ARIH1: variants seen among roughly 807,000 people sequenced by gnomAD.
ARIH1 encodes the protein ariadne RBR E3 ubiquitin protein ligase 1.
Under a neutral mutation model 85.0 loss-of-function variants are expected in ARIH1, and 8 were observed. The observed-to-expected ratio is 0.09, with a 90% CI of 0.06 to 0.17. The LOEUF is 0.17. ARIH1 is among the 10% of genes least tolerant of loss of function. The probability of loss-of-function intolerance (pLI) is 1.00; values close to 1 mark genes in which losing one functional copy is unlikely to be tolerated. For missense variants in ARIH1, 311 were observed against 718.1 expected, an observed-to-expected ratio of 0.43 and a Z score of 6.48; for synonymous variants, 238 against 253.6, an observed-to-expected ratio of 0.94 and a Z score of 0.59.
intron 4 of ARIH1, 96 bp from the exon 5 acceptor site, chr15:72,555,756 T>G (rs2064172144): frequency 2.1e-6 from 2 of 966,628 alleles, no homozygotes; most frequent in Non-Finnish European, 3.3e-6. Flanking sequence ...CTGTAAACAT[T>G]AAGGTATTCC....
chr15:72,514,569 G>A (rs1280798077), intron 1 of ARIH1, among the ~76,000 whole-genome samples: 1 of 151,884 alleles, frequency 6.6e-6, no homozygotes, highest in Non-Finnish European at 1.5e-5. Context: ...AGCTGGGCAC[G>A]GTGGTGCATG....
intron 11 of ARIH1, 67 bp downstream of exon 11, chr15:72,572,232 G>A (rs746779799): frequency 9.4e-7 from 1 of 1,067,496 alleles, no homozygotes; most frequent in Non-Finnish European, 1.4e-6. Context: ...ATTCATTAGA[G>A]AATAATTTTT....
intron 10 of ARIH1, among the ~76,000 whole-genome samples, chr15:72,570,752 T>G (rs929725850): frequency 3.9e-5 from 6 of 152,246 alleles, no homozygotes; most frequent in African/African-American, 9.6e-5. Context: ...AAAGCCTTGC[T>G]AAAAGGCTTT....
chr15:72,486,694 C>CTTTTTT (rs34770375), intron 1 of ARIH1, among the ~76,000 whole-genome samples: 16 of 92,872 alleles, frequency 1.7e-4, no homozygotes, highest in South Asian at 4.1e-4. Flanking sequence ...TTAAAAATGA[C>CTTTTTT]TTTTTTTTTT....
At chr15:72,545,066 T>A in intron 3 of ARIH1, 102 bp downstream of exon 3, 1 of 1,104,578 alleles carries the variant, frequency 9.1e-7, no homozygotes, top group Non-Finnish European at 1.2e-6. Flanking sequence ...CTGGGAGTAG[T>A]AACCTCTAAG....
At chr15:72,528,786 G>T (rs2064041707) in intron 2 of ARIH1, among the ~76,000 whole-genome samples, 1 of 151,668 alleles carries the variant, frequency 6.6e-6, no homozygotes, top group Non-Finnish European at 1.5e-5. Flanking sequence ...GCCCAGGAGG[G>T]TGGAGCTGTG....
At position 72,587,441 on chromosome 15, in the gene ARIH1, T is replaced by C. The variant is rs2064322231; in HGVS notation, c.*4149T>C. On this transcript the variant is annotated 3_prime_UTR_variant, in exon 14 of 14. Transcript: ENST00000379887. ...ACACAGTAGTTGAGAATAAGTGGTT[T>C]AGTATGATTTGCTTAATAGTACCCA... The C allele has an allele frequency of 3.1e-6, 1 of 321,382 alleles. No homozygotes were observed. Among genetic ancestry groups the C allele is most frequent in the African/African-American group, 2.2e-5 (1 of 45,230 alleles). 19.9% of individuals were successfully genotyped at this position (321,382 alleles called of 1,614,324 possible).
rs2064362629 is a variant in ARIH1, at chr15:72,596,101, C to T, written c.*12809C>T. On this transcript the variant is annotated 3_prime_UTR_variant, in exon 14 of 14. Transcript: ENST00000379887. ...CTCCCAAAGTGCTGGGATTACAGGT[C>T]ACTAGGCGTAGTAGGGCTACTACGC... 1 of 152,062 alleles carries T rather than the reference C, an allele frequency of 6.6e-6. No homozygotes were observed. The highest frequency in any genetic ancestry group is 1.5e-5 in the Non-Finnish European group (1 of 67,988). 9.4% of individuals were successfully genotyped at this position (152,062 alleles called of 1,614,324 possible).
rs1340989758 is a variant in ARIH1, at chr15:72,589,933, A to G, written c.*6641A>G. On this transcript the variant is annotated 3_prime_UTR_variant, in exon 14 of 14. Transcript: ENST00000379887. ...CTCAGCCTCCTGAGTAGCTGGGATCATAGGCATGTGCCACTGCTCCTAGCT... is the reference window on the plus strand; with the variant it reads ...CTCAGCCTCCTGAGTAGCTGGGATCGTAGGCATGTGCCACTGCTCCTAGCT... The G allele has an allele frequency of 1.3e-5, 2 of 152,116 alleles. No homozygotes were observed. The highest frequency in any genetic ancestry group is 2.9e-5 in the Non-Finnish European group (2 of 68,024). 9.4% of individuals were successfully genotyped at this position (152,116 alleles called of 1,614,324 possible).
chr15:72,506,194 A>G (rs1270367897), intron 1 of ARIH1, among the ~76,000 whole-genome samples: 1 of 151,994 alleles, frequency 6.6e-6, no homozygotes, highest in Non-Finnish European at 1.5e-5. Flanking sequence ...TAAAAAATAC[A>G]AAAATATTAG....
rs573838231 is a variant in ARIH1 at position 72,499,528 on chromosome 15, T to C, written c.376-18539T>C. Among the ~76,000 whole-genome samples, 30 of 152,378 alleles carry C rather than the reference T, an allele frequency of 2.0e-4. No individual in the cohort carries two copies. In the South Asian group the frequency reaches 2.9e-3, roughly 15 times the overall value. On this transcript the variant is annotated intron_variant, in intron 1 of 13. Transcript: ENST00000379887. ...GTCTTGTGATTATAACCAAATGTTA[T>C]TAGTTCGCTTATAGCTTGATTTTTG...
In ARIH1 at chr15:72,477,844, C is replaced by T. The variant is rs886931985; in HGVS notation, c.375+2830C>T. On this transcript the variant is annotated intron_variant, in intron 1 of 13. Coordinates refer to ENST00000379887, the MANE Select transcript of ARIH1 (RefSeq NM_005744.5). ...TTGTTTGGAGACAGCCTCACTCTGT[C>T]ACCCAGGCTGTAGTGCAGTCGCGTG... 4.6e-5 allele frequency among the ~76,000 whole-genome samples: 7 copies of T among 152,250 alleles called. No homozygotes were observed. The South Asian group carries it at 8.3e-4, about 18-fold the overall frequency.
chr15:72,496,147 T>A (rs1163021135), intron 1 of ARIH1, among the ~76,000 whole-genome samples: 1 of 152,140 alleles, frequency 6.6e-6, no homozygotes, highest in African/African-American at 2.4e-5. Context: ...CAGGCAGTCC[T>A]CCCACTTCAG....
intron 1 of ARIH1, among the ~76,000 whole-genome samples, chr15:72,506,234 C>T (rs1162966070): frequency 6.6e-6 from 1 of 151,274 alleles, no homozygotes; most frequent in African/African-American, 2.4e-5. Flanking sequence ...CCTGTAATCC[C>T]AGCTACTCAG....
intron 7 of ARIH1, 105 bp from the exon 8 acceptor site, chr15:72,566,458 A>G (rs1567357933): frequency 1.1e-6 from 1 of 909,474 alleles, no homozygotes; most frequent in Non-Finnish European, 1.8e-6. Context: ...GTCACTAGAA[A>G]CTAGTGACAA....
At chr15:72,539,386 CTTGAG>C (rs1365742823) in intron 2 of ARIH1, among the ~76,000 whole-genome samples, 1 of 151,440 alleles carries the variant, frequency 6.6e-6, no homozygotes, top group African/African-American at 2.4e-5. Context: ...ACATAAGACT[CTTGAG>C]ATGAGGGATC....
chr15:72,532,234 T>C (rs1032534445), intron 2 of ARIH1, among the ~76,000 whole-genome samples: 2 of 150,624 alleles, frequency 1.3e-5, no homozygotes, highest in African/African-American at 4.9e-5. Context: ...AGATCCTAAA[T>C]AACCAGTATT....
chr15:72,572,235 T>C, intron 11 of ARIH1, 70 bp downstream of exon 11: 1 of 1,050,990 alleles, frequency 9.5e-7, no homozygotes, highest in Non-Finnish European at 1.4e-6. Context: ...CATTAGAGAA[T>C]AATTTTTTTT....
chr15:72,528,734 A>T (rs1051460967), intron 2 of ARIH1, among the ~76,000 whole-genome samples: 1 of 152,216 alleles, frequency 6.6e-6, no homozygotes, highest in African/African-American at 2.4e-5. Context: ...GCACACCTAT[A>T]GTCCCAGCTA....
Sources: gnomAD v4.1 joint callset for allele counts (sites outside exome capture counted in the v4.1 genomes callset) on GRCh38, gnomAD v4.1.1 for gene constraint, MANE v1.5 for transcripts, NCBI Gene and HGNC (gene_info 2026-07-23, HGNC 2026-07-21) for gene names.